Variants in NRG2 observed in about 807,000 individuals in gnomAD.
NRG2 encodes the protein pro-neuregulin-2, membrane-bound isoform.
In NRG2, 27 loss-of-function variants were observed where a neutral mutation model predicts 73.9. That is an observed-to-expected ratio of 0.37 (90% CI 0.27 to 0.50). The LOEUF (loss-of-function observed/expected upper bound fraction) is 0.50. NRG2 is among the 20% of genes least tolerant of loss of function. The pLI is 0.96. For synonymous variants in NRG2, 532 were observed against 541.0 expected (o/e 0.98, Z 0.23); for missense variants, 1,126 against 1,210.1 (o/e 0.93, Z 1.03).
intron 1 of NRG2, among the ~76,000 whole-genome samples, chr5:139,909,242 A>G (rs964443697): frequency 2.6e-5 from 4 of 152,236 alleles, no homozygotes; most frequent in Admixed American, 2.0e-4. Flanking sequence ...TGCCATGGCA[A>G]ACTTTGAAGT....
At chr5:139,873,455 G>A (rs1338268613) in intron 3 of NRG2, among the ~76,000 whole-genome samples, 1 of 152,248 alleles carries the variant, frequency 6.6e-6, no homozygotes, top group East Asian at 1.9e-4. Flanking sequence ...AGGTTGTCCT[G>A]CCCTTCATTT....
chr5:139,921,931 C>A (rs1277473393), intron 1 of NRG2, among the ~76,000 whole-genome samples: 3 of 151,734 alleles, frequency 2.0e-5, no homozygotes, highest in Non-Finnish European at 4.4e-5. Context: ...ATTAGCCGGG[C>A]ATGGTGGTGT....
At chr5:140,004,366 G>A (rs1758731080) in intron 1 of NRG2, among the ~76,000 whole-genome samples, 1 of 152,164 alleles carries the variant, frequency 6.6e-6, no homozygotes, top group Non-Finnish European at 1.5e-5. Context: ...GCTAAAATTA[G>A]TGGCCAAAGT....
chr5:139,957,352 T>TGC (rs1754716374), intron 1 of NRG2, among the ~76,000 whole-genome samples: 1 of 144,106 alleles, frequency 6.9e-6, no homozygotes, highest in South Asian at 2.3e-4. Context: ...TGTGTGTGTG[T>TGC]GCACATTCAT....
intron 2 of NRG2, among the ~76,000 whole-genome samples, chr5:139,886,989 T>G (rs993380242): frequency 6.6e-6 from 1 of 152,210 alleles, no homozygotes; most frequent in Non-Finnish European, 1.5e-5. Flanking sequence ...TTGCCAAATG[T>G]TGGGGCTTTC....
chr5:139,910,967 G>A (rs1249121987), intron 1 of NRG2, among the ~76,000 whole-genome samples: 1 of 152,128 alleles, frequency 6.6e-6, no homozygotes, highest in African/African-American at 2.4e-5. Context: ...GGGACCAGAA[G>A]AGAGAAGAAA....
intron 1 of NRG2, among the ~76,000 whole-genome samples, chr5:139,946,176 C>A (rs1753789489): frequency 6.6e-6 from 1 of 151,954 alleles, no homozygotes; most frequent in Admixed American, 6.6e-5. Flanking sequence ...AAAAGAAGAA[C>A]AAAGTTGCAA....
chr5:139,937,219 A>G (rs1752916282), intron 1 of NRG2, among the ~76,000 whole-genome samples: 1 of 152,252 alleles, frequency 6.6e-6, no homozygotes, highest in Non-Finnish European at 1.5e-5. Context: ...TCTATTAACA[A>G]ACAAACAAAA....
At chr5:139,997,017 C>T (rs1330115834) in intron 1 of NRG2, among the ~76,000 whole-genome samples, 1 of 152,052 alleles carries the variant, frequency 6.6e-6, no homozygotes, top group Non-Finnish European at 1.5e-5. Flanking sequence ...TGGCACATGC[C>T]TGTAGTCCCA....
intron 1 of NRG2, among the ~76,000 whole-genome samples, chr5:139,964,734 TA>T (rs1010012566): frequency 2.0e-5 from 3 of 152,222 alleles, no homozygotes; most frequent in Non-Finnish European, 4.4e-5. Flanking sequence ...TTGCTCCACC[TA>T]ACCCCTGAAG....
chr5:139,865,509 T>C lies in NRG2; in HGVS notation c.1189+40A>G. 1 of 1,549,448 alleles carries C rather than the reference T, an allele frequency of 6.5e-7. No individual in the cohort carries two copies. The highest frequency in any genetic ancestry group is 8.9e-7 in the Non-Finnish European group (1 of 1,123,416). ...TTGGGGGGACTGCACCCAGAAGCTT[T>C]CTAAGGAGCAGGGACTTGTGTTTGT... On this transcript the variant is annotated intron_variant, in intron 5 of 9. Coordinates refer to ENST00000361474, the MANE Select transcript of NRG2 (RefSeq NM_004883.3). The surrounding 1 kb of genome is among the most constrained non-coding windows in gnomAD (Gnocchi z 5.2).
intron 1 of NRG2, among the ~76,000 whole-genome samples, chr5:139,956,417 T>A (rs1023273141): frequency 6.6e-6 from 1 of 151,598 alleles, no homozygotes; most frequent in Non-Finnish European, 1.5e-5. Context: ...TGACTTTGAC[T>A]TCTCTCTAAG....
chr5:139,885,879 T>A (rs1763829198), intron 2 of NRG2, among the ~76,000 whole-genome samples: 1 of 151,974 alleles, frequency 6.6e-6, no homozygotes, highest in Admixed American at 6.6e-5. Context: ...GGAGAAACCA[T>A]CTTCTAGAAA....
chr5:139,884,156 C>A (rs899975409), intron 2 of NRG2, among the ~76,000 whole-genome samples: 12 of 152,104 alleles, frequency 7.9e-5, no homozygotes, highest in African/African-American at 2.9e-4. Context: ...GTACAGGGAT[C>A]CAGGCTTTGA....
intron 1 of NRG2, among the ~76,000 whole-genome samples, chr5:140,033,956 G>A (rs1224787487): frequency 2.0e-5 from 3 of 151,644 alleles, no homozygotes; most frequent in Admixed American, 2.0e-4. Context: ...TGCAAAAGAC[G>A]GTTTCCTTTT....
Position 139,954,653 on chromosome 5 carries a change from C to T in NRG2, c.701-67142G>A, listed in dbSNP as rs1754480703. ...GGCCAAGCCCTCCACCCCAGCGACT[C>T]TCCGCAGAGGCCCCTGCGCGTATCC... On this transcript the variant is annotated intron_variant, in intron 1 of 9. Coordinates refer to ENST00000361474, the MANE Select transcript of NRG2 (RefSeq NM_004883.3). This position sits in a 1 kb window ranked among gnomAD's most constrained non-coding sequence, Gnocchi z 5.0. Among the ~76,000 whole-genome samples the T allele has an allele frequency of 6.6e-6, 1 of 152,246 alleles. No homozygotes were observed. The highest frequency in any genetic ancestry group is 1.5e-5 in the Non-Finnish European group (1 of 68,044).
intron 1 of NRG2, among the ~76,000 whole-genome samples, chr5:139,952,312 T>G (rs1754269045): frequency 6.6e-6 from 1 of 152,202 alleles, no homozygotes; most frequent in East Asian, 1.9e-4. Flanking sequence ...CTGTACCTTT[T>G]GTCCTTTAAA....
chr5:139,884,925 G>A (rs897044915), intron 2 of NRG2, among the ~76,000 whole-genome samples: 1 of 152,036 alleles, frequency 6.6e-6, no homozygotes, highest in Admixed American at 6.5e-5. Context: ...AAAGAGGCAC[G>A]ACCCCCTGGG....
chr5:139,847,455 G>GTTC lies in NRG2; in HGVS notation c.*459_*461dup, dbSNP rs1761065255. 1 of 152,410 alleles carries GTTC rather than the reference G, an allele frequency of 6.6e-6. No homozygotes were observed. Among genetic ancestry groups the GTTC allele is most frequent in the Non-Finnish European group, 1.5e-5 (1 of 68,426 alleles). 9.4% of individuals were successfully genotyped at this position (152,410 alleles called of 1,614,324 possible). ...GGGAGCAAAGCTACTTCCGTCCTCA[G>GTTC]TTCTTCCTTAGGGCCAACCCCCCAC... On this transcript the variant is annotated 3_prime_UTR_variant, in exon 10 of 10. Coordinates refer to ENST00000361474, the MANE Select transcript of NRG2 (RefSeq NM_004883.3).
Sources: gnomAD v4.1 joint callset for allele counts (sites outside exome capture counted in the v4.1 genomes callset) on GRCh38, gnomAD v4.1.1 for gene constraint, Gnocchi (gnomAD v3.1) non-coding constraint, MANE v1.5 for transcripts, NCBI Gene and HGNC (gene_info 2026-07-23, HGNC 2026-07-21) for gene names.